The following LYPD8 variants were observed in gnomAD, a reference collection of about 807,000 sequenced individuals.
LYPD8 encodes ly6/PLAUR domain-containing protein 8.
Under a neutral mutation model 1.7 loss-of-function variants are expected in LYPD8, and 8 were observed. The ratio of observed to expected loss-of-function variants is 4.58; its 90% CI spans 2.69 to 8.27. LYPD8 has a LOEUF of 8.27. Ranked by LOEUF, LYPD8 falls within the 30% of genes most tolerant of loss-of-function variation. The pLI is 0.00. For missense variants in LYPD8, 112 were observed against 102.3 expected (o/e 1.09, Z -0.41); for synonymous variants, 50 against 43.6 (o/e 1.15, Z -0.58).
intron 2 of LYPD8, among the ~76,000 whole-genome samples, chr1:248,753,444 A>G (rs1348156376): frequency 8.7e-6 from 1 of 114,462 alleles, no homozygotes; most frequent in Admixed American, 9.2e-5. Context: ...ACAACACAAC[A>G]CACACAACAC....
rs1032291436 is a variant in LYPD8 at position 248,752,145 on chromosome 1, G to C, written c.-49-1015C>G. 2.6e-5 allele frequency among the ~76,000 whole-genome samples: 4 copies of C among 152,172 alleles called. No individual in the cohort carries two copies. The East Asian group carries it at 7.7e-4, about 29-fold the overall frequency. ...GAGGGTAGATAAAATGAAACATTCT[G>C]TTTCTCAGTAGCACTGGCTACATTC... On this transcript the variant is annotated intron_variant, in intron 2 of 6. Coordinates refer to ENST00000590317, the MANE Select transcript of LYPD8 (RefSeq NM_001085474.2).
chr1:248,754,187 AACAC>A (rs1386875390), intron 2 of LYPD8, among the ~76,000 whole-genome samples: 5 of 150,720 alleles, frequency 3.3e-5, no homozygotes, highest in African/African-American at 1.2e-4. Flanking sequence ...GTACACACCG[AACAC>A]ACACAACACA....
intron 4 of LYPD8, among the ~76,000 whole-genome samples, chr1:248,750,291 G>A (rs1440896544): frequency 5.1e-5 from 1 of 19,602 alleles, no homozygotes; most frequent in Non-Finnish European, 6.0e-3. Flanking sequence ...TTGAGGTCAC[G>A]GGCATCAGTC....
intron 6 of LYPD8, among the ~76,000 whole-genome samples, chr1:248,740,412 T>C (rs531501527): frequency 3.9e-5 from 6 of 152,370 alleles, no homozygotes; most frequent in African/African-American, 1.4e-4. Flanking sequence ...GGTTCTGCTA[T>C]GTTTAATCGT....
Position 248,739,876 on chromosome 1 carries a change from A to T in LYPD8, c.476-27T>A. The T allele has an allele frequency of 6.4e-7, 1 of 1,551,190 alleles. No individual in the cohort carries two copies. The highest frequency in any genetic ancestry group is 8.7e-7 in the Non-Finnish European group (1 of 1,146,860). On this transcript the variant is annotated intron_variant, in intron 6 of 6. Coordinates refer to ENST00000590317, the MANE Select transcript of LYPD8 (RefSeq NM_001085474.2). This position sits in a 1 kb window ranked among gnomAD's most constrained non-coding sequence, Gnocchi z 4.3. Reference sequence around the variant, plus strand: ...TGTGAATGCAAAGGAGACAGGAGGGACGCCACTCAGTCCTTTGTCCTTCCA... The same window carrying T: ...TGTGAATGCAAAGGAGACAGGAGGGTCGCCACTCAGTCCTTTGTCCTTCCA...
chr1:248,750,962 C>A (rs1001820128), intron 3 of LYPD8, 68 bp downstream of exon 3: 4 of 398,442 alleles, frequency 1.0e-5, no homozygotes, highest in Non-Finnish European at 1.8e-5. Flanking sequence ...GATTTGAGAG[C>A]AAGAAGACAC....
At chr1:248,752,618 A>C (rs1353761849) in intron 2 of LYPD8, among the ~76,000 whole-genome samples, 33 of 101,232 alleles carry the variant, frequency 3.3e-4, no homozygotes, top group African/African-American at 1.2e-3. Flanking sequence ...CACACACATC[A>C]CACACACACA....
chr1:248,741,778 G>C (rs1245854081), intron 6 of LYPD8, among the ~76,000 whole-genome samples: 1 of 152,170 alleles, frequency 6.6e-6, no homozygotes, highest in East Asian at 1.9e-4. Context: ...AATCATAGCA[G>C]CTTAGACATC....
At position 248,753,613 on chromosome 1, in the gene LYPD8, C is replaced by T. The variant is rs1662872521; in HGVS notation, c.-50+1626G>A. Among the ~76,000 whole-genome samples the T allele has an allele frequency of 1.6e-3, 203 of 123,464 alleles. 12 individuals carry two copies. The highest frequency in any genetic ancestry group is 4.7e-3 in the East Asian group (14 of 3,004). 81.0% of individuals were successfully genotyped at this position (123,464 alleles called of 152,430 possible). ...CACAACACAACACACACACCACACA[C>T]CCCACACAACACACACAACACACCA... On this transcript the variant is annotated intron_variant, in intron 2 of 6. Transcript: ENST00000590317.
chr1:248,752,309 C>A (rs1662812377), intron 2 of LYPD8, among the ~76,000 whole-genome samples: 1 of 151,934 alleles, frequency 6.6e-6, no homozygotes, highest in Non-Finnish European at 1.5e-5. Flanking sequence ...AGGTGAGAAA[C>A]CTGCAGCACA....
chr1:248,753,028 C>A lies in LYPD8; in HGVS notation c.-49-1898G>T, dbSNP rs1257745690. On this transcript the variant is annotated intron_variant, in intron 2 of 6. Transcript: ENST00000590317. ...ACCACATCATACACACACCACACAC[C>A]CCACACACCACACACACATCACACA... 1.8e-3 allele frequency among the ~76,000 whole-genome samples: 191 copies of A among 103,452 alleles called. 7 individuals carry two copies. Among genetic ancestry groups the A allele is most frequent in the African/African-American group, 7.0e-3 (173 of 24,594 alleles). The allele number at this position is 103,452 out of a possible 152,430, so 67.9% of individuals were successfully genotyped here.
At position 248,739,853 on chromosome 1, in the gene LYPD8, T is replaced by C. The variant is rs1288828410; in HGVS notation, c.476-4A>G. 6.4e-7 allele frequency: 1 copy of C among 1,551,582 alleles called. No individual in the cohort carries two copies. The highest frequency in any genetic ancestry group is 8.7e-7 in the Non-Finnish European group (1 of 1,146,994). ...ACGAGACTCTTAGACTCAATGTCTG[T>C]GAATGCAAAGGAGACAGGAGGGACG... On this transcript the variant is annotated splice_region_variant and splice_polypyrimidine_tract_variant and intron_variant, in intron 6 of 6. Coordinates refer to ENST00000590317, the MANE Select transcript of LYPD8 (RefSeq NM_001085474.2). This position sits in a 1 kb window ranked among gnomAD's most constrained non-coding sequence, Gnocchi z 4.3.
At chr1:248,752,633 A>AT (rs1662820692) in intron 2 of LYPD8, among the ~76,000 whole-genome samples, 1 of 100,338 alleles carries the variant, frequency 1.0e-5, no homozygotes, top group African/African-American at 3.4e-5. Context: ...CACACACCAC[A>AT]CACCCCACAC....
intron 2 of LYPD8, among the ~76,000 whole-genome samples, chr1:248,752,778 C>T (rs1662829227): frequency 3.0e-5 from 3 of 100,670 alleles, no homozygotes; most frequent in Admixed American, 9.3e-5. Context: ...CCCCACACAA[C>T]ACACACCACA....
intron 2 of LYPD8, among the ~76,000 whole-genome samples, chr1:248,752,598 C>G (rs1572156144): frequency 6.9e-5 from 9 of 130,516 alleles, no homozygotes. Context: ...ACCACACACC[C>G]CACACACCCC....
chr1:248,752,867 A>AT (rs2103172909), intron 2 of LYPD8, among the ~76,000 whole-genome samples: 1 of 112,590 alleles, frequency 8.9e-6, no homozygotes, highest in Non-Finnish European at 1.8e-5. Flanking sequence ...CCACACACAC[A>AT]CCACACACCC....
Position 248,739,929 on chromosome 1 carries a change from G to T in LYPD8, c.476-80C>A, listed in dbSNP as rs1475508032. 2.0e-6 allele frequency: 3 copies of T among 1,517,380 alleles called. No homozygotes were observed. Among genetic ancestry groups the T allele is most frequent in the Non-Finnish European group, 2.7e-6 (3 of 1,127,586 alleles). The allele number at this position is 1,517,380 out of a possible 1,614,324, so 94.0% of individuals were successfully genotyped here. ...CACGCCTGCTCTTAGTTCTTCACCT[G>T]CAGCACGGTGGCCCGGTGACCAGCA... On this transcript the variant is annotated intron_variant, in intron 6 of 6. Coordinates refer to ENST00000590317, the MANE Select transcript of LYPD8 (RefSeq NM_001085474.2). This position sits in a 1 kb window ranked among gnomAD's most constrained non-coding sequence, Gnocchi z 4.3.
At chr1:248,753,075 ACCC>A in intron 2 of LYPD8, among the ~76,000 whole-genome samples, 1 of 68,518 alleles carries the variant, frequency 1.5e-5, no homozygotes, top group East Asian at 5.3e-4. Context: ...CACCCCACAC[ACCC>A]CACACCACAC....
intron 3 of LYPD8, 46 bp downstream of exon 3, chr1:248,750,984 A>G (rs1175173414): frequency 2.5e-6 from 1 of 398,600 alleles, no homozygotes; most frequent in Non-Finnish European, 4.4e-6. Context: ...GGTGAGGTGG[A>G]AAAGGGGGTC....
Sources: allele counts gnomAD v4.1 joint callset (sites outside exome capture counted in the v4.1 genomes callset), GRCh38; gene constraint gnomAD v4.1.1; non-coding constraint Gnocchi (gnomAD v3.1); transcripts MANE v1.5; gene names NCBI Gene and HGNC (gene_info 2026-07-23, HGNC 2026-07-21).